ZNF577: variants seen among roughly 807,000 people sequenced by gnomAD.
ZNF577 encodes the protein zinc finger protein 577.
In ZNF577, 14 loss-of-function variants were observed where a neutral mutation model predicts 13.9. The observed-to-expected ratio is 1.00, with a 90% CI of 0.66 to 1.57. The LOEUF is 1.57. Among genes scored for constraint, ZNF577 ranks in the 40% most tolerant of loss-of-function variants. The pLI is 0.00. For missense variants in ZNF577, 555 were observed against 579.2 expected, an observed-to-expected ratio of 0.96 and a Z score of 0.43; for synonymous variants, 203 against 202.9, an observed-to-expected ratio of 1.00 and a Z score of 0.00.
At chr19:51,847,867 C>G (rs142637644) in intron 5 of ZNF577, among the ~76,000 whole-genome samples, 82 of 152,304 alleles carry the variant, frequency 5.4e-4, no homozygotes, top group African/African-American at 1.8e-3. Flanking sequence ...TCCTCTTCTG[C>G]TCACTGGGCT....
chr19:51,817,804 G>A (rs1223581209), intron 9 of ZNF577: 1 of 152,142 alleles, frequency 6.6e-6, no homozygotes, highest in Admixed American at 6.5e-5. Flanking sequence ...GGAAGCCAGG[G>A]ACTGGCCACA....
At chr19:51,816,314 C>A (rs961378188) in intron 9 of ZNF577, among the ~76,000 whole-genome samples, 1 of 152,178 alleles carries the variant, frequency 6.6e-6, no homozygotes, top group Non-Finnish European at 1.5e-5. Flanking sequence ...GTGGCATGAT[C>A]TCGGCTGACT....
At chr19:51,812,847 G>A (rs548096449) in intron 9 of ZNF577, among the ~76,000 whole-genome samples, 10 of 152,254 alleles carry the variant, frequency 6.6e-5, no homozygotes, top group African/African-American at 2.4e-4. Context: ...TAGGCCAGAC[G>A]TGGGGGCTCA....
intron 5 of ZNF577, among the ~76,000 whole-genome samples, chr19:51,858,311 A>T (rs547775426): frequency 1.3e-5 from 2 of 152,290 alleles, no homozygotes; most frequent in East Asian, 3.9e-4. Flanking sequence ...TGACTAATAA[A>T]CTGCTGTCAA....
intron 9 of ZNF577, among the ~76,000 whole-genome samples, chr19:51,830,928 T>C (rs1199658249): frequency 6.6e-6 from 1 of 152,152 alleles, no homozygotes; most frequent in African/African-American, 2.4e-5. Flanking sequence ...CAGACTGGTA[T>C]CTACCTCCCT....
intron 9 of ZNF577, among the ~76,000 whole-genome samples, chr19:51,829,588 T>C (rs976751643): frequency 6.6e-6 from 1 of 152,078 alleles, no homozygotes; most frequent in Non-Finnish European, 1.5e-5. Flanking sequence ...TTTCCCACCA[T>C]CCTGACCGAT....
intron 5 of ZNF577, among the ~76,000 whole-genome samples, chr19:51,876,932 A>G (rs1418206956): frequency 6.6e-6 from 1 of 151,878 alleles, no homozygotes; most frequent in African/African-American, 2.4e-5. Flanking sequence ...GTCTCAAAAA[A>G]AAAAAAAAAA....
At chr19:51,835,423 A>G (rs1599846615) in intron 9 of ZNF577, among the ~76,000 whole-genome samples, 1 of 151,696 alleles carries the variant, frequency 6.6e-6, no homozygotes, top group East Asian at 1.9e-4. Flanking sequence ...AAAAAAAAAA[A>G]AACTTCAGGC....
At chr19:51,843,626 C>T (rs939026713) in intron 6 of ZNF577, among the ~76,000 whole-genome samples, 1 of 152,178 alleles carries the variant, frequency 6.6e-6, no homozygotes, top group Non-Finnish European at 1.5e-5. Context: ...ATACATATTA[C>T]AATAAAAACA....
intron 4 of ZNF577, 76 bp from the exon 5 acceptor site, chr19:51,877,453 G>A: frequency 8.2e-7 from 1 of 1,212,618 alleles, no homozygotes. Flanking sequence ...TTATGTCTCA[G>A]GAACCACAGC....
At chr19:51,853,942 T>C (rs1260878959) in intron 5 of ZNF577, among the ~76,000 whole-genome samples, 2 of 151,516 alleles carry the variant, frequency 1.3e-5, no homozygotes, top group East Asian at 3.8e-4. Context: ...GCAAACTGGA[T>C]AGAAGAGCGA....
Position 51,867,175 on chromosome 19 carries a change from A to T in ZNF577, c.*5357T>A, listed in dbSNP as rs2084577236. On this transcript the variant is annotated 3_prime_UTR_variant, in exon 6 of 6. Coordinates refer to ENST00000638348, the MANE Select transcript of ZNF577 (RefSeq NM_001370449.1). ...ATGGTTTCTGTTTAGTTTTCCTTAAATTTTTAAATTACAAATGTATGTATT... is the reference window on the plus strand; with the variant it reads ...ATGGTTTCTGTTTAGTTTTCCTTAATTTTTTAAATTACAAATGTATGTATT... Among the ~76,000 whole-genome samples, 1 of 152,266 alleles carries T rather than the reference A, an allele frequency of 6.6e-6. No individual in the cohort carries two copies. Among genetic ancestry groups the T allele is most frequent in the South Asian group, 2.1e-4 (1 of 4,822 alleles).
chr19:51,848,673 T>C (rs575638284), intron 5 of ZNF577, among the ~76,000 whole-genome samples: 1 of 152,338 alleles, frequency 6.6e-6, no homozygotes, highest in Admixed American at 6.5e-5. Context: ...AAAGCATTTG[T>C]AGCTCACAGG....
intron 9 of ZNF577, among the ~76,000 whole-genome samples, chr19:51,828,872 C>G (rs535284012): frequency 6.6e-6 from 1 of 152,260 alleles, no homozygotes; most frequent in East Asian, 1.9e-4. Flanking sequence ...GCTCTCTGAG[C>G]CTTCAGGCTC....
chr19:51,811,321 A>T (rs1339088653), intron 10 of ZNF577: 1 of 152,194 alleles, frequency 6.6e-6, no homozygotes, highest in Non-Finnish European at 1.5e-5. Context: ...AACTAACCTG[A>T]GCACCAGTTT....
chr19:51,873,512 A>G lies in ZNF577; in HGVS notation c.478T>C (p.Cys160Arg). Reference sequence around the variant, plus strand: ...GAGAAGGCTCTCCCGCACACACTGCATTCATGTGGTTTCCCTCCTGCACAA... The same window carrying G: ...GAGAAGGCTCTCCCGCACACACTGCGTTCATGTGGTTTCCCTCCTGCACAA... Reference protein sequence around the residue: ...KICAGGKPHECSVCGRAFSRK... With the variant: ...KICAGGKPHERSVCGRAFSRK... The change falls in exon 6 of 6, where the codon TGC (cysteine) becomes CGC (arginine). Residue 160 changes from cysteine (C) to arginine (R), a missense_variant. Coordinates refer to ENST00000638348, the MANE Select transcript of ZNF577 (RefSeq NM_001370449.1). 1 of 1,614,220 alleles carries G rather than the reference A, an allele frequency of 6.2e-7. No homozygotes were observed. Among genetic ancestry groups the G allele is most frequent in the Non-Finnish European group, 8.5e-7 (1 of 1,180,036 alleles).
At chr19:51,875,553 T>C (rs1187910123) in intron 5 of ZNF577, among the ~76,000 whole-genome samples, 2 of 152,212 alleles carry the variant, frequency 1.3e-5, no homozygotes, top group Admixed American at 6.5e-5. Flanking sequence ...CAATAAAATA[T>C]ATGTCTTCCT....
At chr19:51,805,857 A>T (rs1320895628) in intron 10 of ZNF577, among the ~76,000 whole-genome samples, 1 of 152,208 alleles carries the variant, frequency 6.6e-6, no homozygotes, top group African/African-American at 2.4e-5. Flanking sequence ...AAGTAGAAGA[A>T]GTTTCACAAA....
chr19:51,851,142 G>C (rs1435236604), intron 5 of ZNF577, among the ~76,000 whole-genome samples: 1 of 152,078 alleles, frequency 6.6e-6, no homozygotes, highest in Non-Finnish European at 1.5e-5. Flanking sequence ...TCAGAAATGA[G>C]GATAAATATT....
Sources: gnomAD v4.1 joint callset for allele counts (sites outside exome capture counted in the v4.1 genomes callset) on GRCh38, gnomAD v4.1.1 for gene constraint, MANE v1.5 for transcripts, NCBI Gene and HGNC (gene_info 2026-07-23, HGNC 2026-07-21) for gene names.